Variants in SYNE2 observed in about 807,000 individuals in gnomAD.
SYNE2 encodes spectrin repeat containing nuclear envelope protein 2, also known as nesprin-2.
In SYNE2, 431 loss-of-function variants were observed where a neutral mutation model predicts 856.3. The observed-to-expected ratio is 0.50, with a 90% CI of 0.47 to 0.55. SYNE2 has a LOEUF of 0.55. Ranked by LOEUF, SYNE2 falls within the 20% of genes least tolerant of loss-of-function variation. The pLI is 0.00. For synonymous variants in SYNE2, 2,923 were observed against 2,872.3 expected (o/e 1.02, Z -0.56); for missense variants, 8,129 against 8,023.2 (o/e 1.01, Z -0.50).
At position 64,030,009 on chromosome 14, in the gene SYNE2, G is replaced by C. The variant is rs997204353; in HGVS notation, c.6829G>C (p.Asp2277His). 3.7e-5 allele frequency: 60 copies of C among 1,613,964 alleles called. No individual in the cohort carries two copies. The highest frequency in any genetic ancestry group is 4.8e-5 in the Non-Finnish European group (57 of 1,179,996). The change falls in exon 44 of 116, where the codon GAT becomes CAT. Residue 2277 changes from aspartate to histidine, a missense_variant. Around this residue, in one of 3 missense-constraint regions of SYNE2, gnomAD observed 297 missense variants for 380.9 expected, o/e 0.78. Transcript: ENST00000555002. ...CTCCAAGGAATTTGTCAGTTTTTCT[G>C]ATAAGCCTGTGGATCAAATAGCGGT... The part of the protein sequence containing the change: ...NFSKEFVSFS[D>H]KPVDQIAVEE...
intron 1 of SYNE2, among the ~76,000 whole-genome samples, chr14:63,886,889 G>A (rs2094999246): frequency 6.6e-6 from 1 of 152,062 alleles, no homozygotes; most frequent in Admixed American, 6.6e-5. Context: ...CAAACTCCTG[G>A]CACCAAGTGA....
intron 1 of SYNE2, among the ~76,000 whole-genome samples, chr14:63,773,210 AT>A (rs1207245876): frequency 6.6e-6 from 1 of 151,670 alleles, no homozygotes; most frequent in East Asian, 1.9e-4. Context: ...GCTTAAAAAA[AT>A]TTTTTTTGGA....
intron 100 of SYNE2, among the ~76,000 whole-genome samples, chr14:64,206,376 G>T (rs796711670): frequency 2.0e-5 from 3 of 152,272 alleles, no homozygotes; most frequent in African/African-American, 7.2e-5. Flanking sequence ...GTTACTAGCG[G>T]TAGGATTATT....
At chr14:63,791,117 C>T (rs1887716609) in intron 1 of SYNE2, among the ~76,000 whole-genome samples, 1 of 151,962 alleles carries the variant, frequency 6.6e-6, no homozygotes, top group Non-Finnish European at 1.5e-5. Flanking sequence ...GCCACCACAC[C>T]CAGCTAGCTA....
At chr14:63,882,514 G>A (rs557153691) in intron 1 of SYNE2, among the ~76,000 whole-genome samples, 34 of 151,404 alleles carry the variant, frequency 2.2e-4, no homozygotes, top group African/African-American at 7.8e-4. Flanking sequence ...CCAGGAGTTC[G>A]AGACCAGCAT....
intron 1 of SYNE2, among the ~76,000 whole-genome samples, chr14:63,788,562 C>T (rs1302892501): frequency 6.6e-6 from 1 of 152,132 alleles, no homozygotes; most frequent in African/African-American, 2.4e-5. Flanking sequence ...CTCCTGCCTG[C>T]TCCATGGAGC....
chr14:64,123,217 C>T (rs1413884747), intron 70 of SYNE2, among the ~76,000 whole-genome samples: 1 of 152,170 alleles, frequency 6.6e-6, no homozygotes, highest in East Asian at 1.9e-4. Context: ...ACTGGCCAAT[C>T]GGTGTTCCCT....
chr14:63,772,675 A>G (rs998579969), intron 1 of SYNE2, among the ~76,000 whole-genome samples: 13 of 148,214 alleles, frequency 8.8e-5, no homozygotes, highest in Non-Finnish European at 1.6e-4. Context: ...CCCGGGAGAC[A>G]GAGGTTTCAG....
intron 60 of SYNE2, among the ~76,000 whole-genome samples, chr14:64,091,828 T>C (rs1224017151): frequency 6.6e-6 from 1 of 152,192 alleles, no homozygotes; most frequent in Non-Finnish European, 1.5e-5. Flanking sequence ...CATGCTGCCT[T>C]TCCTGATTAG....
intron 2 of SYNE2, among the ~76,000 whole-genome samples, chr14:63,928,381 T>A (rs575511120): frequency 1.3e-5 from 2 of 152,372 alleles, no homozygotes; most frequent in East Asian, 3.9e-4. Context: ...AAATGGTTGC[T>A]CACTGTGTTT....
intron 17 of SYNE2, 121 bp downstream of exon 17, chr14:63,982,915 A>G: frequency 9.8e-7 from 1 of 1,024,516 alleles, no homozygotes; most frequent in South Asian, 1.4e-5. Flanking sequence ...AGCCATTACC[A>G]TAAAAAATTT....
chr14:64,132,026 C>T (rs530213381), intron 76 of SYNE2, among the ~76,000 whole-genome samples: 2 of 151,986 alleles, frequency 1.3e-5, no homozygotes, highest in African/African-American at 4.8e-5. Flanking sequence ...CTCCGCCTCC[C>T]GGGTTCAAAT....
intron 1 of SYNE2, among the ~76,000 whole-genome samples, chr14:63,904,005 T>A (rs2095374062): frequency 6.6e-6 from 1 of 152,180 alleles, no homozygotes; most frequent in Non-Finnish European, 1.5e-5. Context: ...CTGCAGTGTC[T>A]TTTGTTCCCA....
At chr14:63,776,397 T>G (rs1358841670) in intron 1 of SYNE2, among the ~76,000 whole-genome samples, 1 of 152,178 alleles carries the variant, frequency 6.6e-6, no homozygotes, top group Non-Finnish European at 1.5e-5. Context: ...TTAGTTTTAC[T>G]ACCATAATGA....
At chr14:63,873,756 A>T (rs553208472) in intron 1 of SYNE2, 1 of 152,366 alleles carries the variant, frequency 6.6e-6, no homozygotes, top group South Asian at 2.1e-4. Context: ...ATAAAGCAGG[A>T]CAATGGTTGG....
chr14:64,048,313 A>G (rs2097200382), intron 46 of SYNE2, 158 bp downstream of exon 46: 1 of 602,034 alleles, frequency 1.7e-6, no homozygotes, highest in Non-Finnish European at 2.8e-6. Flanking sequence ...TGTACTAAGT[A>G]AGTTGTATAA....
At chr14:63,894,422 A>G (rs1029422897) in intron 1 of SYNE2, among the ~76,000 whole-genome samples, 1 of 151,906 alleles carries the variant, frequency 6.6e-6, no homozygotes, top group Non-Finnish European at 1.5e-5. Context: ...GCATTTTGCT[A>G]TGTTGCCCAG....
chr14:64,070,472 CATTATGGGATTCTGATAGT>C (rs1382953703), intron 51 of SYNE2, among the ~76,000 whole-genome samples, 154 bp from the exon 52 acceptor site: 2 of 152,170 alleles, frequency 1.3e-5, no homozygotes, highest in African/African-American at 4.8e-5. Context: ...AATAGCTGGG[CATTATGGGATTCTGATAGT>C]AGAGGATTAA....
At chr14:64,183,124 CGGCTGCCGGGCG>C (rs2098468685) in intron 96 of SYNE2, among the ~76,000 whole-genome samples, 1 of 149,448 alleles carries the variant, frequency 6.7e-6, no homozygotes, top group African/African-American at 2.5e-5. Context: ...TCGGACGGGG[CGGCTGCCGGGCG>C]GAGGGGCTCC....
Sources: allele counts gnomAD v4.1 joint callset (sites outside exome capture counted in the v4.1 genomes callset), GRCh38; gene constraint gnomAD v4.1.1; regional missense constraint gnomAD v4.1.1; transcripts MANE v1.5; gene names NCBI Gene and HGNC (gene_info 2026-07-23, HGNC 2026-07-21).